Variants in ARHGAP24 observed in about 807,000 individuals in gnomAD.
The protein encoded by ARHGAP24 is Rho GTPase activating protein 24, also known as rho GTPase-activating protein 24.
A neutral mutation model predicts 76.4 loss-of-function variants in ARHGAP24; 50 were observed. That is an observed-to-expected ratio of 0.65 (90% CI 0.52 to 0.83). ARHGAP24 has a LOEUF of 0.83. Ranked by LOEUF, ARHGAP24 falls within the 40% of genes least tolerant of loss-of-function variation. ARHGAP24 has a pLI of 0.00. For missense variants in ARHGAP24, 930 were observed against 914.2 expected, an observed-to-expected ratio of 1.02 and a Z score of -0.22; for synonymous variants, 345 against 323.3, an observed-to-expected ratio of 1.07 and a Z score of -0.72.
chr4:85,478,756 T>C (rs1296625492), intron 1 of ARHGAP24, among the ~76,000 whole-genome samples: 1 of 152,220 alleles, frequency 6.6e-6, no homozygotes, highest in Non-Finnish European at 1.5e-5. Context: ...CTGGAATGCC[T>C]TCTGTCTGAA....
intron 1 of ARHGAP24, among the ~76,000 whole-genome samples, chr4:85,491,534 A>AACAC (rs138093021): frequency 1.3e-5 from 2 of 151,190 alleles, no homozygotes; most frequent in Non-Finnish European, 3.0e-5. Context: ...GGGTCTGTTT[A>AACAC]ACACACACAC....
intron 5 of ARHGAP24, among the ~76,000 whole-genome samples, chr4:85,970,651 C>T (rs191925359): frequency 1.3e-5 from 2 of 152,234 alleles, no homozygotes; most frequent in African/African-American, 4.8e-5. Context: ...CATGCCACCG[C>T]TGGGATAAGA....
Position 85,995,630 on chromosome 4 carries a change from A to T in ARHGAP24, c.1976A>T (p.Lys659Met), listed in dbSNP as rs760392156. 1 of 1,613,994 alleles carries T rather than the reference A, an allele frequency of 6.2e-7. No individual in the cohort carries two copies. Among genetic ancestry groups the T allele is most frequent in the East Asian group, 2.2e-5 (1 of 44,844 alleles). Residue 659 changes from lysine (K) to methionine (M), a missense_variant, in exon 9 of 10, where the codon AAG becomes ATG. Lys to Met is a moderately conservative substitution (Grantham distance 95). Coordinates refer to ENST00000395184, the MANE Select transcript of ARHGAP24 (RefSeq NM_001025616.3). ...SSLKQEMTKQ[K>M]IEYESRIKSL... ...CTGAAACAGGAAATGACCAAACAGA[A>T]GATAGAGTATGAGTCCAGGATAAAG...
chr4:85,914,571 T>C (rs1735265534), intron 3 of ARHGAP24, among the ~76,000 whole-genome samples: 1 of 152,210 alleles, frequency 6.6e-6, no homozygotes, highest in African/African-American at 2.4e-5. Flanking sequence ...TAAAGTTCAA[T>C]ATAATTTCAC....
At chr4:85,521,955 C>T (rs971825565) in intron 1 of ARHGAP24, among the ~76,000 whole-genome samples, 1 of 152,064 alleles carries the variant, frequency 6.6e-6, no homozygotes, top group Non-Finnish European at 1.5e-5. Flanking sequence ...ATTAAGATCT[C>T]ATTCTTTAAA....
chr4:85,960,381 T>G (rs926526955), intron 5 of ARHGAP24, among the ~76,000 whole-genome samples: 1 of 152,146 alleles, frequency 6.6e-6, no homozygotes, highest in Non-Finnish European at 1.5e-5. Flanking sequence ...TAAATGTCTG[T>G]GATATCATGG....
chr4:85,830,604 AT>A (rs1729944340), intron 3 of ARHGAP24, among the ~76,000 whole-genome samples: 1 of 152,154 alleles, frequency 6.6e-6, no homozygotes, highest in African/African-American at 2.4e-5. Flanking sequence ...ACTAAGTTCT[AT>A]TTTGCCTACT....
intron 3 of ARHGAP24, among the ~76,000 whole-genome samples, chr4:85,773,450 A>C (rs770101219): frequency 6.6e-6 from 1 of 152,168 alleles, no homozygotes; most frequent in Non-Finnish European, 1.5e-5. Flanking sequence ...AACTACTTGA[A>C]GTAACCCAAG....
intron 3 of ARHGAP24, among the ~76,000 whole-genome samples, chr4:85,897,575 C>A (rs1734250672): frequency 6.6e-6 from 1 of 152,130 alleles, no homozygotes; most frequent in Non-Finnish European, 1.5e-5. Flanking sequence ...AGACAAAAAG[C>A]TCACAGAAAA....
intron 3 of ARHGAP24, among the ~76,000 whole-genome samples, chr4:85,831,374 C>T (rs1381270681): frequency 6.6e-6 from 1 of 151,932 alleles, no homozygotes; most frequent in Non-Finnish European, 1.5e-5. Context: ...CATATTTGAC[C>T]TTAAGGGAAT....
chr4:85,520,580 A>G (rs1040961272), intron 1 of ARHGAP24, among the ~76,000 whole-genome samples: 13 of 152,134 alleles, frequency 8.5e-5, no homozygotes, highest in Non-Finnish European at 1.3e-4. Context: ...TTTCCTAACT[A>G]TCTCTCTGCA....
At chr4:85,755,317 A>G (rs1374192074) in intron 3 of ARHGAP24, among the ~76,000 whole-genome samples, 1 of 152,136 alleles carries the variant, frequency 6.6e-6, no homozygotes, top group African/African-American at 2.4e-5. Flanking sequence ...AGAGAAGTCC[A>G]TTCCTTATCT....
chr4:85,577,174 G>A (rs924162172), intron 2 of ARHGAP24, among the ~76,000 whole-genome samples: 3 of 148,936 alleles, frequency 2.0e-5, no homozygotes, highest in Non-Finnish European at 4.5e-5. Flanking sequence ...GTACCTACAA[G>A]TATTATTCTA....
intron 3 of ARHGAP24, among the ~76,000 whole-genome samples, chr4:85,841,251 G>T (rs145708956): frequency 6.6e-6 from 1 of 152,290 alleles, no homozygotes; most frequent in African/African-American, 2.4e-5. Context: ...TCATTCAAGT[G>T]CAGAGCTCAA....
intron 3 of ARHGAP24, among the ~76,000 whole-genome samples, chr4:85,804,197 A>G (rs1283936465): frequency 6.6e-6 from 1 of 152,110 alleles, no homozygotes; most frequent in Non-Finnish European, 1.5e-5. Context: ...AATTTTGTAC[A>G]ACTCATTATA....
intron 1 of ARHGAP24, among the ~76,000 whole-genome samples, chr4:85,525,850 T>C (rs551585836): frequency 6.6e-6 from 1 of 152,308 alleles, no homozygotes; most frequent in African/African-American, 2.4e-5. Context: ...TGAAGTGTTG[T>C]CATGAATGTT....
intron 3 of ARHGAP24, among the ~76,000 whole-genome samples, chr4:85,771,147 C>T (rs936539059): frequency 2.0e-5 from 3 of 152,058 alleles, no homozygotes; most frequent in Admixed American, 1.3e-4. Context: ...GAAACAAAAC[C>T]AAAAGGAGAT....
At chr4:85,533,987 G>T (rs1304450650) in intron 1 of ARHGAP24, among the ~76,000 whole-genome samples, 1 of 152,116 alleles carries the variant, frequency 6.6e-6, no homozygotes, top group Non-Finnish European at 1.5e-5. Context: ...AGCTGAATCT[G>T]CACATGAAAA....
intron 3 of ARHGAP24, among the ~76,000 whole-genome samples, chr4:85,894,219 C>T (rs1222398570): frequency 1.3e-5 from 2 of 151,434 alleles, no homozygotes; most frequent in Non-Finnish European, 2.9e-5. Context: ...ATCTGGATGG[C>T]AAAAGAGAGA....
Sources: gnomAD v4.1 joint callset for allele counts (sites outside exome capture counted in the v4.1 genomes callset) on GRCh38, gnomAD v4.1.1 for gene constraint, MANE v1.5 for transcripts, NCBI Gene and HGNC (gene_info 2026-07-23, HGNC 2026-07-21) for gene names.